Variants in RALGPS1 observed in about 807,000 individuals in gnomAD.
RALGPS1 encodes the protein ras-specific guanine nucleotide-releasing factor RalGPS1.
Under a neutral mutation model 78.8 loss-of-function variants are expected in RALGPS1, and 19 were observed. The ratio of observed to expected loss-of-function variants is 0.24; its 90% CI spans 0.17 to 0.35. RALGPS1 has a LOEUF of 0.35. Ranked by LOEUF, RALGPS1 falls within the 10% of genes least tolerant of loss-of-function variation. The pLI is 1.00. For missense variants in RALGPS1, 454 were observed against 688.3 expected (o/e 0.66, Z 3.81); for synonymous variants, 228 against 256.3 (o/e 0.89, Z 1.06).
At chr9:127,022,426 C>T (rs894141746) in intron 4 of RALGPS1, among the ~76,000 whole-genome samples, 3 of 151,972 alleles carry the variant, frequency 2.0e-5, no homozygotes, top group Admixed American at 1.3e-4. Context: ...TCCCTCATGG[C>T]ATCAGGGCAA....
chr9:126,996,480 A>G (rs2042775859), intron 4 of RALGPS1, among the ~76,000 whole-genome samples: 1 of 152,250 alleles, frequency 6.6e-6, no homozygotes, highest in South Asian at 2.1e-4. Flanking sequence ...AGACTAAACC[A>G]GGAAGAAGTT....
intron 8 of RALGPS1, among the ~76,000 whole-genome samples, chr9:127,082,857 G>A (rs941788508): frequency 6.6e-6 from 1 of 152,106 alleles, no homozygotes; most frequent in African/African-American, 2.4e-5. Flanking sequence ...CAGCTAAGAA[G>A]ACCCTATCAG....
At chr9:127,041,501 A>C (rs2047318871) in intron 5 of RALGPS1, among the ~76,000 whole-genome samples, 1 of 152,208 alleles carries the variant, frequency 6.6e-6, no homozygotes, top group South Asian at 2.1e-4. Context: ...CCTTGCCAGC[A>C]ACTGATATTG....
chr9:127,208,062 A>C (rs1489607109), intron 14 of RALGPS1, among the ~76,000 whole-genome samples: 1 of 152,112 alleles, frequency 6.6e-6, no homozygotes. Context: ...CCCCTCTCAC[A>C]GAGCTGGGCA....
In RALGPS1 at chr9:127,164,735, T is replaced by A. The variant is rs2139570371; in HGVS notation, c.611-1334T>A. Reference sequence around the variant, plus strand: ...TTGTGTTTTTTGTAGAGACGGGGTTTTGTCATGTTGCCCAGGCTGGTTCCG... The same window carrying A: ...TTGTGTTTTTTGTAGAGACGGGGTTATGTCATGTTGCCCAGGCTGGTTCCG... On this transcript the variant is annotated intron_variant, in intron 8 of 18. Transcript: ENST00000259351. 2.0e-5 allele frequency among the ~76,000 whole-genome samples: 3 copies of A among 151,322 alleles called. No homozygotes were observed. The South Asian group carries it at 6.3e-4, about 32-fold the overall frequency.
rs146152998 is a variant in RALGPS1 at position 126,969,692 on chromosome 9, G to A, written c.165+3741G>A. 1.6e-4 allele frequency among the ~76,000 whole-genome samples: 24 copies of A among 152,326 alleles called. 1 individual carries two copies. In the East Asian group the frequency reaches 4.6e-3, roughly 29 times the overall value. On this transcript the variant is annotated intron_variant, in intron 3 of 18. Transcript: ENST00000259351. ...AAATCCCTTTCTAGCTGTTTACCCTGTGGAATGGCAGAGAGTTAGACTGCA... is the reference window on the plus strand; with the variant it reads ...AAATCCCTTTCTAGCTGTTTACCCTATGGAATGGCAGAGAGTTAGACTGCA...
intron 7 of RALGPS1, among the ~76,000 whole-genome samples, chr9:127,063,409 G>A (rs937629619): frequency 6.6e-6 from 1 of 151,924 alleles, no homozygotes; most frequent in African/African-American, 2.4e-5. Context: ...TAATAAGCAG[G>A]GACTTTGTTT....
chr9:127,015,911 T>C (rs973345983), intron 4 of RALGPS1, among the ~76,000 whole-genome samples: 2 of 152,126 alleles, frequency 1.3e-5, no homozygotes, highest in Admixed American at 1.3e-4. Context: ...ACCTGGGGTT[T>C]AACCCTTCTG....
chr9:127,124,412 C>T (rs573177659), intron 8 of RALGPS1, among the ~76,000 whole-genome samples: 201 of 152,276 alleles, frequency 1.3e-3, no homozygotes, highest in Non-Finnish European at 2.3e-3. Context: ...TGATCCCAGC[C>T]CTTAGCCACA....
chr9:127,199,898 G>GCA (rs139075098), intron 14 of RALGPS1, among the ~76,000 whole-genome samples: 2 of 145,946 alleles, frequency 1.4e-5, no homozygotes, highest in Non-Finnish European at 3.1e-5. Context: ...AGGGCCCTGG[G>GCA]CACACACACA....
At chr9:126,997,964 C>A (rs374462654) in intron 4 of RALGPS1, among the ~76,000 whole-genome samples, 5 of 152,248 alleles carry the variant, frequency 3.3e-5, no homozygotes, top group East Asian at 1.9e-4. Flanking sequence ...ACTGGCTAGC[C>A]ATATGTAGAA....
chr9:127,097,834 T>C lies in RALGPS1; in HGVS notation c.610+28478T>C, dbSNP rs529781599. 2.6e-5 allele frequency among the ~76,000 whole-genome samples: 4 copies of C among 152,320 alleles called. No individual in the cohort carries two copies. The East Asian group carries it at 7.7e-4, about 29-fold the overall frequency. On this transcript the variant is annotated intron_variant, in intron 8 of 18. Transcript: ENST00000259351. ...CTCCACACTTGGAGTCAGGAGCCCT[T>C]GGCTCCAATCTCGATGGCCTCACCT...
intron 4 of RALGPS1, among the ~76,000 whole-genome samples, chr9:126,998,838 A>G (rs2043018055): frequency 6.6e-6 from 1 of 151,824 alleles, no homozygotes; most frequent in Non-Finnish European, 1.5e-5. Flanking sequence ...CTATGCAGCC[A>G]TAAAAAATGA....
chr9:127,088,827 G>C lies in RALGPS1; in HGVS notation c.610+19471G>C, dbSNP rs1012796379. The C allele has an allele frequency of 1.3e-5, 16 of 1,253,688 alleles. No individual in the cohort carries two copies. In the African/African-American group the frequency reaches 2.4e-4, roughly 19 times the overall value. 77.7% of individuals were successfully genotyped at this position (1,253,688 alleles called of 1,614,324 possible). ...TTCGGAAAACAGAATCCAGCATCCC[G>C]GTCCTCCCAGCCTCAGGATGAACTG... On this transcript the variant is annotated intron_variant, in intron 8 of 18. Coordinates refer to ENST00000259351, the MANE Select transcript of RALGPS1 (RefSeq NM_014636.3).
chr9:126,917,413 A>G (rs613226), intron 1 of RALGPS1, among the ~76,000 whole-genome samples: 4,173 of 152,274 alleles, frequency 0.027, 50 homozygotes, highest in Middle Eastern at 0.048. Context: ...CATTAATGAA[A>G]AATACTGCAT....
At chr9:127,155,790 A>T (rs1027971160) in intron 8 of RALGPS1, among the ~76,000 whole-genome samples, 4 of 152,194 alleles carry the variant, frequency 2.6e-5, no homozygotes, top group Admixed American at 6.5e-5. Flanking sequence ...AAGACCAACC[A>T]GGGGCTGAGA....
In RALGPS1 at chr9:127,166,157, G is replaced by T; in HGVS notation, c.699G>T (p.Met233Ile). ...AAAATGAACAAAGATCCAATCAGAT[G>T]AACAATATTCTTCGAATAATTGCTG... ...IMENEQRSNQ[M>I]NNILRIIADL... is the part of the protein sequence containing the mutation. Residue 233 changes from methionine (M) to isoleucine (I), a missense_variant, in exon 9 of 19, where the codon ATG (methionine) becomes ATT (isoleucine). By Grantham distance (10) the Met-to-Ile change is conservative. Transcript: ENST00000259351. The T allele has an allele frequency of 6.2e-7, 1 of 1,613,792 alleles. No homozygotes were observed. The highest frequency in any genetic ancestry group is 1.1e-5 in the South Asian group (1 of 91,022).
chr9:127,153,600 G>A (rs1182254804), intron 8 of RALGPS1, among the ~76,000 whole-genome samples: 2 of 152,028 alleles, frequency 1.3e-5, no homozygotes, highest in Non-Finnish European at 2.9e-5. Flanking sequence ...ATCACTGAGT[G>A]AGCTGGTTCC....
intron 7 of RALGPS1, among the ~76,000 whole-genome samples, chr9:127,059,736 A>T (rs2049039624): frequency 1.3e-5 from 2 of 151,766 alleles, no homozygotes; most frequent in African/African-American, 4.8e-5. Flanking sequence ...TGCTGCATAG[A>T]TCCCTCTGCT....
Sources: allele counts gnomAD v4.1 joint callset (sites outside exome capture counted in the v4.1 genomes callset), GRCh38; gene constraint gnomAD v4.1.1; transcripts MANE v1.5; gene names NCBI Gene and HGNC (gene_info 2026-07-23, HGNC 2026-07-21).